Variants in RFX3 observed in about 807,000 individuals in gnomAD.
The protein encoded by RFX3 is regulatory factor X3.
In RFX3, 14 loss-of-function variants were observed where a neutral mutation model predicts 98.6. The observed-to-expected ratio is 0.14, with a 90% CI of 0.09 to 0.22. The LOEUF is 0.22. Ranked by LOEUF, RFX3 falls within the 10% of genes least tolerant of loss-of-function variation. The pLI, the probability that RFX3 is intolerant of heterozygous loss-of-function variation, is 1.00. For synonymous variants in RFX3, 383 were observed against 328.4 expected, an observed-to-expected ratio of 1.17 and a Z score of -1.80; for missense variants, 639 against 926.9, an observed-to-expected ratio of 0.69 and a Z score of 4.03.
Position 3,504,236 on chromosome 9 carries a change from A to G in RFX3, c.-9+21511T>C, listed in dbSNP as rs559165324. Among the ~76,000 whole-genome samples the G allele has an allele frequency of 3.2e-3, 433 of 134,048 alleles. 2 individuals are homozygous for G. Among genetic ancestry groups the G allele is most frequent in the Middle Eastern group, 0.011 (3 of 268 alleles). 87.9% of individuals were successfully genotyped at this position (134,048 alleles called of 152,430 possible). ...TTATATACTATATTATATACTATAT[A>G]TTATATATATATTTTATATATAATA... On this transcript the variant is annotated intron_variant, in intron 1 of 16. Transcript: ENST00000617270.
At chr9:3,366,703 T>TTTCTTTCTTTCTTTC (rs1244774991) in intron 2 of RFX3, among the ~76,000 whole-genome samples, 1 of 118,168 alleles carries the variant, frequency 8.5e-6, no homozygotes, top group Non-Finnish European at 1.8e-5. Context: ...CCTTTCTTTC[T>TTTCTTTCTTTCTTTC]TTCTTTCTTT....
At chr9:3,464,529 G>A (rs189599284) in intron 1 of RFX3, among the ~76,000 whole-genome samples, 30 of 152,246 alleles carry the variant, frequency 2.0e-4, no homozygotes, top group African/African-American at 7.0e-4. Context: ...TACATACTGC[G>A]TGATTCCATT....
chr9:3,521,226 A>G (rs1818679614), intron 1 of RFX3, among the ~76,000 whole-genome samples: 1 of 152,186 alleles, frequency 6.6e-6, no homozygotes, highest in Non-Finnish European at 1.5e-5. Context: ...ATAAAGATTA[A>G]AATATCTACA....
intron 1 of RFX3, among the ~76,000 whole-genome samples, chr9:3,411,492 G>A (rs1842463584): frequency 6.6e-6 from 1 of 152,002 alleles, no homozygotes; most frequent in Non-Finnish European, 1.5e-5. Flanking sequence ...TGGGATTACA[G>A]GCACCCGCCA....
At chr9:3,510,790 T>C (rs1000614929) in intron 1 of RFX3, among the ~76,000 whole-genome samples, 4 of 152,038 alleles carry the variant, frequency 2.6e-5, no homozygotes, top group African/African-American at 9.7e-5. Flanking sequence ...TATTCACATA[T>C]TGTTTGGCTC....
At chr9:3,488,757 T>C (rs1233787144) in intron 1 of RFX3, 17 of 984,244 alleles carry the variant, frequency 1.7e-5, no homozygotes, top group Non-Finnish European at 2.1e-5. Context: ...ATTTTTGATG[T>C]ACTTTACAGA....
intron 3 of RFX3, among the ~76,000 whole-genome samples, chr9:3,339,547 G>C (rs1168097853): frequency 6.6e-6 from 1 of 152,118 alleles, no homozygotes; most frequent in East Asian, 1.9e-4. Flanking sequence ...CCACCAAGTA[G>C]TCAGCTCCTG....
chr9:3,443,251 C>T (rs1845753819), intron 1 of RFX3, among the ~76,000 whole-genome samples: 1 of 152,154 alleles, frequency 6.6e-6, no homozygotes, highest in South Asian at 2.1e-4. Context: ...AGGTTTGTTA[C>T]ATAGGTAAAT....
At chr9:3,249,168 G>A (rs368769022) in intron 14 of RFX3, among the ~76,000 whole-genome samples, 2 of 151,994 alleles carry the variant, frequency 1.3e-5, no homozygotes, top group African/African-American at 2.4e-5. Flanking sequence ...CCTATGCCTC[G>A]TTTTACAGTA....
chr9:3,248,260 A>T (rs1225080058), intron 14 of RFX3, 75 bp from the exon 15 acceptor site: 9 of 1,461,950 alleles, frequency 6.2e-6, no homozygotes, highest in South Asian at 1.4e-5. Context: ...TTTTCCTCTT[A>T]AAAAAAAGTC....
At chr9:3,401,443 C>A (rs1475515946) in intron 1 of RFX3, among the ~76,000 whole-genome samples, 1 of 152,152 alleles carries the variant, frequency 6.6e-6, no homozygotes, top group Non-Finnish European at 1.5e-5. Context: ...TTGAGGTGTT[C>A]CCATTCATCC....
At chr9:3,479,170 T>G in intron 1 of RFX3, among the ~76,000 whole-genome samples, 1 of 152,178 alleles carries the variant, frequency 6.6e-6, no homozygotes, top group East Asian at 1.9e-4. Context: ...TTCCCAAGAT[T>G]CACTAGTTTT....
intron 1 of RFX3, among the ~76,000 whole-genome samples, chr9:3,424,396 C>T (rs1230650555): frequency 9.1e-5 from 10 of 109,666 alleles, no homozygotes; most frequent in South Asian, 6.9e-4. Flanking sequence ...GAGTCTCGCT[C>T]TGTCGCCCAG....
intron 1 of RFX3, among the ~76,000 whole-genome samples, chr9:3,454,500 C>T (rs1846973421): frequency 6.6e-6 from 1 of 152,188 alleles, no homozygotes; most frequent in Non-Finnish European, 1.5e-5. Context: ...CTTAAAATCA[C>T]ATCAAGCTAC....
intron 4 of RFX3, among the ~76,000 whole-genome samples, chr9:3,322,689 T>C (rs1265352544): frequency 6.6e-6 from 1 of 152,098 alleles, no homozygotes; most frequent in Non-Finnish European, 1.5e-5. Context: ...GCTGAGATTG[T>C]GCCACTGCAC....
chr9:3,282,242 C>T (rs536466161), intron 7 of RFX3, among the ~76,000 whole-genome samples: 2 of 151,804 alleles, frequency 1.3e-5, no homozygotes, highest in South Asian at 4.1e-4. Flanking sequence ...ATGAAGAGTT[C>T]CACTCTTTTA....
chr9:3,496,386 C>G (rs992005321), intron 1 of RFX3, among the ~76,000 whole-genome samples: 3 of 151,966 alleles, frequency 2.0e-5, no homozygotes, highest in African/African-American at 7.2e-5. Context: ...TTCTTAATCA[C>G]TTACCAATAC....
At chr9:3,275,742 A>G in intron 8 of RFX3, 130 bp from the exon 9 acceptor site, 4 of 532,740 alleles carry the variant, frequency 7.5e-6, no homozygotes, top group East Asian at 5.8e-5. Flanking sequence ...GAGCAAGGAC[A>G]TTTTATATTA....
intron 2 of RFX3, among the ~76,000 whole-genome samples, chr9:3,365,803 C>A (rs1836992936): frequency 6.6e-6 from 1 of 152,030 alleles, no homozygotes; most frequent in Non-Finnish European, 1.5e-5. Flanking sequence ...ATCCTCCAAC[C>A]CCCTACCAAT....
Sources: allele counts gnomAD v4.1 joint callset (sites outside exome capture counted in the v4.1 genomes callset), GRCh38; gene constraint gnomAD v4.1.1; transcripts MANE v1.5; gene names NCBI Gene and HGNC (gene_info 2026-07-23, HGNC 2026-07-21).